PNPLA6: variants seen among roughly 807,000 people sequenced by gnomAD.
PNPLA6 encodes the protein patatin-like phospholipase domain-containing protein 6.
In PNPLA6, 105 loss-of-function variants were observed where a neutral mutation model predicts 153.7. The ratio of observed to expected loss-of-function variants is 0.68; its 90% confidence interval spans 0.58 to 0.80. The LOEUF is 0.80. Ranked by LOEUF, PNPLA6 falls within the 30% of genes least tolerant of loss-of-function variation. The pLI, the probability that PNPLA6 is intolerant of heterozygous loss-of-function variation, is 0.00. For synonymous variants in PNPLA6, 825 were observed against 822.2 expected (o/e 1.00, Z -0.06); for missense variants, 1,423 against 1,919.3 (o/e 0.74, Z 4.83).
chr19:7,549,740 GC>G, intron 13 of PNPLA6, 166 bp from the exon 14 acceptor site: 1 of 687,074 alleles, frequency 1.5e-6, no homozygotes, highest in Admixed American at 2.2e-5. Flanking sequence ...CCCCTGCCTG[GC>G]CTCCCAAAGC....
Position 7,540,659 on chromosome 19 carries a change from G to A in PNPLA6, c.744G>A (p.Val248=). ...GGAAGGAGTGTGTGGTGAAGGAAGT[G>A]GTTCCTGGGGACAGCGTCAACAGCC... ...PDGKECVVKE[V]VPGDSVNSLL... is the part of the protein sequence containing the mutation. Residue 248 remains valine, a synonymous_variant, in exon 6 of 32, where the codon GTG becomes GTA. Coordinates refer to ENST00000600737, the MANE Select transcript of PNPLA6 (RefSeq NM_001166114.2). The surrounding 1 kb of genome is among the most constrained non-coding windows in gnomAD (Gnocchi z 6.8). 6.2e-7 allele frequency: 1 copy of A among 1,613,898 alleles called. No homozygotes were observed. The highest frequency in any genetic ancestry group is 1.1e-5 in the South Asian group (1 of 91,082).
intron 13 of PNPLA6, among the ~76,000 whole-genome samples, chr19:7,546,462 C>T (rs1387642685): frequency 6.6e-6 from 1 of 152,130 alleles, no homozygotes; most frequent in Non-Finnish European, 1.5e-5. Flanking sequence ...AACCCAGTCT[C>T]TACAAAAAAC....
chr19:7,555,099 C>T lies in PNPLA6; in HGVS notation c.2817+24C>T, dbSNP rs2023814344. ...TGGTGAGGAGCGGGCCGGCCCCCAC[C>T]TTCTAGGGGCGTGGCTGGTGGGCGA... On this transcript the variant is annotated intron_variant, in intron 22 of 31. Coordinates refer to ENST00000600737, the MANE Select transcript of PNPLA6 (RefSeq NM_001166114.2). This position sits in a 1 kb window ranked among gnomAD's most constrained non-coding sequence, Gnocchi z 6.3. The T allele has an allele frequency of 4.4e-6, 7 of 1,588,508 alleles. No individual in the cohort carries two copies. Among genetic ancestry groups the T allele is most frequent in the Non-Finnish European group, 6.0e-6 (7 of 1,175,298 alleles).
At chr19:7,556,011 C>A (rs1378744304) in intron 24 of PNPLA6, among the ~76,000 whole-genome samples, 1 of 151,004 alleles carries the variant, frequency 6.6e-6, no homozygotes, top group Non-Finnish European at 1.5e-5. Context: ...TGGTGACCAC[C>A]TTGTGGATGG....
rs2023068485 is a variant in PNPLA6, at chr19:7,540,259, G to GC, written c.666dup (p.Ile223HisfsTer17). 6.2e-7 allele frequency: 1 copy of GC among 1,609,088 alleles called. No individual in the cohort carries two copies. The highest frequency in any genetic ancestry group is 1.1e-5 in the South Asian group (1 of 91,074). On this transcript the variant is annotated frameshift_variant, in exon 5 of 32. Transcript: ENST00000600737. LOFTEE classifies it high-confidence loss of function. This position sits in a 1 kb window ranked among gnomAD's most constrained non-coding sequence, Gnocchi z 6.8. ...TTCCGGCCGGGCCAGCCAGATGCCAGCATCTACGTGGTGCAGGACGGGCTG... is the reference window on the plus strand; with the variant it reads ...TTCCGGCCGGGCCAGCCAGATGCCAGCCATCTACGTGGTGCAGGACGGGCTG...
Position 7,551,936 on chromosome 19 carries a change from G to A in PNPLA6, c.2260+499G>A, listed in dbSNP as rs140019434. 2.5e-3 allele frequency among the ~76,000 whole-genome samples: 381 copies of A among 151,984 alleles called. 1 individual carries two copies. The highest frequency in any genetic ancestry group is 0.01 in the Middle Eastern group (3 of 294). ...GCCTGGGCAACATAGTAGGACCCCC[G>A]TCTCTACAAAAATTTCAAACATTAG... On this transcript the variant is annotated intron_variant, in intron 18 of 31. Coordinates refer to ENST00000600737, the MANE Select transcript of PNPLA6 (RefSeq NM_001166114.2).
At chr19:7,548,748 T>TAG (rs1404593634) in intron 13 of PNPLA6, among the ~76,000 whole-genome samples, 28 of 150,620 alleles carry the variant, frequency 1.9e-4, no homozygotes, top group African/African-American at 3.7e-4. Flanking sequence ...CACATATATA[T>TAG]ATAGAGAGAG....
intron 18 of PNPLA6, among the ~76,000 whole-genome samples, chr19:7,551,823 G>C (rs1568417232): frequency 6.6e-6 from 1 of 152,110 alleles, no homozygotes; most frequent in Non-Finnish European, 1.5e-5. Flanking sequence ...TGGCAGGGCC[G>C]TCATGGTGGC....
At chr19:7,560,452 T>G in intron 28 of PNPLA6, 196 bp from the exon 29 acceptor site, 1 of 639,952 alleles carries the variant, frequency 1.6e-6, no homozygotes, top group Admixed American at 2.2e-5. Flanking sequence ...GAGAGATTGA[T>G]TGGTAATGTC....
chr19:7,548,864 G>A (rs2023511504), intron 13 of PNPLA6, among the ~76,000 whole-genome samples: 1 of 147,528 alleles, frequency 6.8e-6, no homozygotes, highest in Non-Finnish European at 1.5e-5. Context: ...GTGCAGTGGC[G>A]CGATCTCGGC....
chr19:7,556,372 G>A, intron 24 of PNPLA6, 81 bp from the exon 25 acceptor site: 2 of 883,666 alleles, frequency 2.3e-6, no homozygotes, highest in Non-Finnish European at 3.9e-6. Context: ...CCTAAGTGCT[G>A]CTTGCTCACC....
intron 24 of PNPLA6, among the ~76,000 whole-genome samples, chr19:7,556,174 C>T (rs146291632): frequency 2.7e-5 from 4 of 150,932 alleles, no homozygotes; most frequent in South Asian, 2.1e-4. Context: ...GTGATTTATC[C>T]GCCTCAGCCT....
At chr19:7,545,092 T>C (rs543437270) in intron 13 of PNPLA6, among the ~76,000 whole-genome samples, 18 of 152,060 alleles carry the variant, frequency 1.2e-4, no homozygotes, top group African/African-American at 3.9e-4. Flanking sequence ...AGCGGTGCGA[T>C]CTTGGCTCAC....
At chr19:7,544,598 G>A (rs1236599518) in intron 13 of PNPLA6, among the ~76,000 whole-genome samples, 2 of 152,100 alleles carry the variant, frequency 1.3e-5, no homozygotes, top group South Asian at 4.1e-4. Context: ...TATAGGGAGC[G>A]GGGGCTTGAG....
chr19:7,541,911 C>A lies in PNPLA6; in HGVS notation c.1169-73C>A. ...TAACTAGTTAATCAGTCGCCAGCAT[C>A]TCCTTATCTCCCAACCTGCTAATCC... is the stretch of plus-strand genomic sequence containing the variant. On this transcript the variant is annotated intron_variant, in intron 9 of 31. Transcript: ENST00000600737. The surrounding 1 kb of genome is among the most constrained non-coding windows in gnomAD (Gnocchi z 5.2). 1 of 1,347,100 alleles carries A rather than the reference C, an allele frequency of 7.4e-7. No homozygotes were observed. Among genetic ancestry groups the A allele is most frequent in the Non-Finnish European group, 1.1e-6 (1 of 946,776 alleles). The allele number at this position is 1,347,100 out of a possible 1,614,324, so 83.4% of individuals were successfully genotyped here. A position where few individuals can be genotyped will look rare whatever the true frequency, so the allele number is the denominator to read the frequency against.
chr19:7,550,521 G>A lies in PNPLA6; in HGVS notation c.1951G>A (p.Gly651Ser). 6.2e-7 allele frequency: 1 copy of A among 1,613,120 alleles called. No individual in the cohort carries two copies. Among genetic ancestry groups the A allele is most frequent in the South Asian group, 1.1e-5 (1 of 91,078 alleles). ...VEAGRALYRQ[G>S]DRSDCTYIVL... ...CTGACCTCCACGCCCACTCAGGCAG[G>A]GCGACCGCTCCGACTGCACTTACAT... The change falls in exon 16 of 32, where the codon GGC (glycine) becomes AGC (serine). Residue 651 changes from glycine (G) to serine (S), a missense_variant. By Grantham distance (56) the Gly-to-Ser change is moderately conservative (BLOSUM62 0). This residue lies in a region of PNPLA6 where 63 missense variants were observed against 166.2 expected (regional missense o/e 0.38). Coordinates refer to ENST00000600737, the MANE Select transcript of PNPLA6 (RefSeq NM_001166114.2).
upstream of PNPLA6, chr19:7,534,823 G>A (rs45483295): frequency 4.1e-3 from 629 of 154,140 alleles, 2 homozygotes; most frequent in Middle Eastern, 0.01. Flanking sequence ...TCACTACTAC[G>A]TGATAGTAAA....
At chr19:7,548,488 G>A (rs979190932) in intron 13 of PNPLA6, among the ~76,000 whole-genome samples, 2 of 151,874 alleles carry the variant, frequency 1.3e-5, no homozygotes, top group Admixed American at 1.3e-4. Context: ...CCTGGGCCAC[G>A]TGCAGCCCGT....
intron 13 of PNPLA6, among the ~76,000 whole-genome samples, chr19:7,548,211 G>C (rs1485307174): frequency 6.6e-6 from 1 of 151,860 alleles, no homozygotes; most frequent in Non-Finnish European, 1.5e-5. Context: ...CAGGCGTGTG[G>C]CAGGCACCTT....
Sources: allele counts gnomAD v4.1 joint callset (sites outside exome capture counted in the v4.1 genomes callset), GRCh38; gene constraint gnomAD v4.1.1; regional missense constraint gnomAD v4.1.1; non-coding constraint Gnocchi (gnomAD v3.1); transcripts MANE v1.5; gene names NCBI Gene and HGNC (gene_info 2026-07-23, HGNC 2026-07-21).